ADCY9: variants seen among roughly 807,000 people sequenced by gnomAD.
The protein encoded by ADCY9 is adenylate cyclase type 9.
ADCY9 carries 50 observed loss-of-function variants against 101.5 expected under a neutral mutation model. The observed-to-expected ratio is 0.49, with a 90% CI of 0.39 to 0.62. The LOEUF (loss-of-function observed/expected upper bound fraction) is 0.62. ADCY9 is among the 20% of genes least tolerant of loss of function. The pLI is 0.00. For missense variants in ADCY9, 1,662 were observed against 1,800.4 expected, an observed-to-expected ratio of 0.92 and a Z score of 1.39; for synonymous variants, 905 against 769.3, an observed-to-expected ratio of 1.18 and a Z score of -2.92.
chr16:4,055,170 G>C (rs556659384), intron 2 of ADCY9, among the ~76,000 whole-genome samples: 1 of 152,252 alleles, frequency 6.6e-6, no homozygotes, highest in African/African-American at 2.4e-5. Flanking sequence ...CTTCCACACC[G>C]GGAAGGGCCC....
chr16:3,956,703 C>T (rs1333879537), intron 5 of ADCY9, among the ~76,000 whole-genome samples: 3 of 151,186 alleles, frequency 2.0e-5, no homozygotes. Context: ...CCATGTTGGC[C>T]AGGCTGGACT....
intron 2 of ADCY9, among the ~76,000 whole-genome samples, chr16:4,079,845 T>C (rs2056890996): frequency 6.6e-6 from 1 of 152,112 alleles, no homozygotes; most frequent in South Asian, 2.1e-4. Context: ...TGGCTATCTC[T>C]AGTTGGTAAA....
At chr16:3,981,348 T>C (rs2056140852) in intron 7 of ADCY9, among the ~76,000 whole-genome samples, 1 of 152,088 alleles carries the variant, frequency 6.6e-6, no homozygotes. Context: ...ATGGAGACAA[T>C]GCTGGCCTCA....
rs57326989 is a variant in ADCY9 at position 3,963,097 on chromosome 16, CATATATATATATATATATATAT to C, written c.*2656_*2677del. The C allele has an allele frequency of 0.56, 69,014 of 122,622 alleles. 18,247 individuals carry two copies. The highest frequency in any genetic ancestry group is 0.64 in the Non-Finnish European group (45,686 of 71,744). 7.6% of individuals were successfully genotyped at this position (122,622 alleles called of 1,614,324 possible). A position where few individuals can be genotyped will look rare whatever the true frequency, so the allele number is the denominator to read the frequency against. On this transcript the variant is annotated 3_prime_UTR_variant, in exon 11 of 11. Transcript: ENST00000294016. ...GATAAAATTGTGTGTGCTTGTTTAC[CATATATATATATATATATATAT>C]ATATATATATATATATATATATATG...
At chr16:4,010,360 A>G (rs1278234204) in intron 2 of ADCY9, among the ~76,000 whole-genome samples, 2 of 152,222 alleles carry the variant, frequency 1.3e-5, no homozygotes, top group Admixed American at 6.5e-5. Context: ...GCACGACGGG[A>G]CAGCCAGCAC....
At chr16:4,018,893 T>C (rs979317000) in intron 2 of ADCY9, among the ~76,000 whole-genome samples, 1 of 151,926 alleles carries the variant, frequency 6.6e-6, no homozygotes, top group Admixed American at 6.6e-5. Context: ...GTGGCTGAAA[T>C]ACTATGGACT....
chr16:4,085,823 G>A (rs1330994475), intron 2 of ADCY9, among the ~76,000 whole-genome samples: 2 of 152,106 alleles, frequency 1.3e-5, no homozygotes, highest in African/African-American at 2.4e-5. Flanking sequence ...AGATGACATC[G>A]GTGCAGGCTC....
intron 2 of ADCY9, among the ~76,000 whole-genome samples, chr16:4,059,939 T>A (rs1480695223): frequency 1.3e-5 from 2 of 152,056 alleles, no homozygotes; most frequent in African/African-American, 4.8e-5. Flanking sequence ...TGACCAAATC[T>A]TGAGTTAGAG....
At chr16:4,061,567 C>A (rs886827555) in intron 2 of ADCY9, among the ~76,000 whole-genome samples, 9 of 152,104 alleles carry the variant, frequency 5.9e-5, no homozygotes, top group African/African-American at 2.2e-4. Context: ...ATGACATATT[C>A]AAAGCACTGA....
intron 2 of ADCY9, among the ~76,000 whole-genome samples, chr16:4,016,917 T>C (rs1597167437): frequency 6.6e-6 from 1 of 152,170 alleles, no homozygotes; most frequent in South Asian, 2.1e-4. Flanking sequence ...CACAACACCA[T>C]GAATATACTA....
At chr16:4,018,583 G>A (rs1567439851) in intron 2 of ADCY9, among the ~76,000 whole-genome samples, 1 of 152,170 alleles carries the variant, frequency 6.6e-6, no homozygotes, top group Non-Finnish European at 1.5e-5. Flanking sequence ...TGTTGCTTCT[G>A]GGAAATGTGG....
chr16:3,999,912 T>C (rs2056318095), intron 3 of ADCY9, among the ~76,000 whole-genome samples: 1 of 152,180 alleles, frequency 6.6e-6, no homozygotes, highest in Admixed American at 6.5e-5. Flanking sequence ...TTATTTCTCA[T>C]CACAAGATAA....
chr16:4,050,653 C>T (rs896003203), intron 2 of ADCY9, among the ~76,000 whole-genome samples: 2 of 121,194 alleles, frequency 1.7e-5, no homozygotes, highest in African/African-American at 3.2e-5. Flanking sequence ...GCAGAGGTTG[C>T]GGTGAGCCAA....
chr16:3,965,932 T>C lies in ADCY9; in HGVS notation c.3905A>G (p.Lys1302Arg), dbSNP rs748891359. 1.2e-6 allele frequency: 2 copies of C among 1,614,074 alleles called. No homozygotes were observed. The highest frequency in any genetic ancestry group is 1.3e-5 in the African/African-American group (1 of 74,928). ...TCTCTTGGGGGACAGGTGGGCATCC[T>C]TGGCCTGCGTGCTGCTGTCAGAACC... ...SLGSDSSTQA[K>R]DAHLSPKRPW... The change falls in exon 11 of 11, where the codon AAG becomes AGG. Residue 1302 changes from lysine to arginine, a missense_variant. Lys to Arg is a conservative substitution (Grantham distance 26, BLOSUM62 2). Coordinates refer to ENST00000294016, the MANE Select transcript of ADCY9 (RefSeq NM_001116.4).
intron 2 of ADCY9, among the ~76,000 whole-genome samples, chr16:4,043,376 T>G (rs2056640832): frequency 6.6e-6 from 1 of 151,298 alleles, no homozygotes; most frequent in Non-Finnish European, 1.5e-5. Flanking sequence ...CCTCGTTTTT[T>G]CACAATGTGG....
intron 6 of ADCY9, among the ~76,000 whole-genome samples, chr16:3,988,060 G>C (rs779702732): frequency 1.3e-5 from 2 of 152,084 alleles, no homozygotes; most frequent in Non-Finnish European, 2.9e-5. Flanking sequence ...GGAGGAGAGA[G>C]ACGGGGGTCC....
intron 2 of ADCY9, among the ~76,000 whole-genome samples, chr16:4,094,182 A>G (rs149842920): frequency 2.0e-5 from 3 of 151,450 alleles, no homozygotes; most frequent in East Asian, 4.2e-4. Flanking sequence ...TCTTATTTGC[A>G]TGGTAGTTCT....
intron 6 of ADCY9, chr16:3,983,705 G>A (rs1017950700): frequency 2.0e-6 from 1 of 490,086 alleles, no homozygotes; most frequent in Non-Finnish European, 3.7e-6. Flanking sequence ...GACGTAGGAG[G>A]GTCGCTGGAG....
At chr16:4,088,851 G>A (rs985494491) in intron 2 of ADCY9, among the ~76,000 whole-genome samples, 12 of 151,862 alleles carry the variant, frequency 7.9e-5, no homozygotes, top group Admixed American at 6.6e-5. Flanking sequence ...TAATTCTCTC[G>A]TTTATAGTTT....
Sources: gnomAD v4.1 joint callset for allele counts (sites outside exome capture counted in the v4.1 genomes callset) on GRCh38, gnomAD v4.1.1 for gene constraint, MANE v1.5 for transcripts, NCBI Gene and HGNC (gene_info 2026-07-23, HGNC 2026-07-21) for gene names.